OSBPL3: variants seen among roughly 807,000 people sequenced by gnomAD.
The protein encoded by OSBPL3 is oxysterol-binding protein-related protein 3.
In OSBPL3, 65 loss-of-function variants were observed where a neutral mutation model predicts 120.1. The observed-to-expected ratio is 0.54, with a 90% CI of 0.44 to 0.67. The LOEUF (loss-of-function observed/expected upper bound fraction) is 0.67, where lower values mean the gene tolerates loss of function less well. Ranked by LOEUF, OSBPL3 falls within the 30% of genes least tolerant of loss-of-function variation. OSBPL3 has a pLI of 0.00. For synonymous variants in OSBPL3, 416 were observed against 402.6 expected, an observed-to-expected ratio of 1.03 and a Z score of -0.40; for missense variants, 1,004 against 1,082.1, an observed-to-expected ratio of 0.93 and a Z score of 1.01.
Position 24,852,555 on chromosome 7 carries a change from G to C in OSBPL3, c.1107C>G (p.Ala369=). The part of the protein sequence containing the change: ...EKLKQLMEQD[A]SSSPSAQVIG... Reference sequence around the variant, plus strand: ...TGACCTGAGCAGACGGGGAGGAGGAGGCATCCTGCTCCATCAGCTGCTTCA... The same window carrying C: ...TGACCTGAGCAGACGGGGAGGAGGACGCATCCTGCTCCATCAGCTGCTTCA... Residue 369 remains alanine, a synonymous_variant, in exon 11 of 23, where the codon GCC becomes GCG. Coordinates refer to ENST00000313367, the MANE Select transcript of OSBPL3 (RefSeq NM_015550.4). The surrounding 1 kb of genome is among the most constrained non-coding windows in gnomAD (Gnocchi z 4.1). 2 of 1,607,264 alleles carry C rather than the reference G, an allele frequency of 1.2e-6. No homozygotes were observed. Among genetic ancestry groups the C allele is most frequent in the Non-Finnish European group, 1.7e-6 (2 of 1,177,774 alleles).
intron 12 of OSBPL3, among the ~76,000 whole-genome samples, chr7:24,846,444 G>A (rs1325480867): frequency 1.3e-5 from 2 of 152,152 alleles, no homozygotes; most frequent in Admixed American, 6.5e-5. Flanking sequence ...GTATTCAAAT[G>A]CATGCCGATA....
At chr7:24,839,525 T>G (rs947512532) in intron 14 of OSBPL3, among the ~76,000 whole-genome samples, 1 of 152,212 alleles carries the variant, frequency 6.6e-6, no homozygotes, top group Non-Finnish European at 1.5e-5. Flanking sequence ...GAGATAGCCA[T>G]TTGTTACTTT....
chr7:24,907,754 T>C (rs1481035038), intron 1 of OSBPL3, among the ~76,000 whole-genome samples: 1 of 152,346 alleles, frequency 6.6e-6, no homozygotes, highest in Non-Finnish European at 1.5e-5. Flanking sequence ...TGGACTCTGC[T>C]TTCCTTTTGC....
intron 1 of OSBPL3, among the ~76,000 whole-genome samples, chr7:24,915,169 C>T (rs1218204010): frequency 6.6e-6 from 1 of 152,100 alleles, no homozygotes; most frequent in Non-Finnish European, 1.5e-5. Context: ...ACAAAGCTAC[C>T]CAATAATTCT....
chr7:24,869,057 G>A lies in OSBPL3; in HGVS notation c.381+1675C>T, dbSNP rs141673169. On this transcript the variant is annotated intron_variant, in intron 5 of 22. Transcript: ENST00000313367. The stretch of plus-strand genomic sequence containing the variant: ...AACAGCCCACAATTAAAAACTGCCT[G>A]ACTGAGTCTAATAACTAGAACGCTC... 2.8e-3 allele frequency among the ~76,000 whole-genome samples: 421 copies of A among 152,274 alleles called. 4 individuals carry two copies. Among genetic ancestry groups the A allele is most frequent in the Middle Eastern group, 0.017 (5 of 294 alleles).
intron 14 of OSBPL3, among the ~76,000 whole-genome samples, chr7:24,837,467 G>C (rs1441958693): frequency 6.6e-6 from 1 of 152,168 alleles, no homozygotes; most frequent in Admixed American, 6.5e-5. Context: ...GCCTCCCAAA[G>C]TGTTGGGATT....
At chr7:24,980,208 G>A (rs965040061), upstream of OSBPL3, 2 of 272,646 alleles carry the variant, frequency 7.3e-6, no homozygotes, top group Admixed American at 6.5e-5. Context: ...TTAGCCCGAG[G>A]AGCCGCGCAA....
intron 7 of OSBPL3, among the ~76,000 whole-genome samples, chr7:24,864,284 A>G (rs1800998921): frequency 6.6e-6 from 1 of 152,190 alleles, no homozygotes; most frequent in Admixed American, 6.5e-5. Context: ...TACAGGCCCA[A>G]ATGCCTTAGG....
rs1812499246 is a variant in OSBPL3, at chr7:24,936,988, T to C, written c.-150+42898A>G. On this transcript the variant is annotated intron_variant, in intron 1 of 22. Coordinates refer to ENST00000313367, the MANE Select transcript of OSBPL3 (RefSeq NM_015550.4). This position sits in a 1 kb window ranked among gnomAD's most constrained non-coding sequence, Gnocchi z 4.2. ...AGAAAAGGATACTGTATTAGTCCAT[T>C]CTTGTGCTGCTAATAAAGACATACC... Among the ~76,000 whole-genome samples the C allele has an allele frequency of 6.6e-6, 1 of 152,176 alleles. No individual in the cohort carries two copies. Among genetic ancestry groups the C allele is most frequent in the Non-Finnish European group, 1.5e-5 (1 of 68,026 alleles).
At chr7:24,929,017 C>T (rs749757326) in intron 1 of OSBPL3, among the ~76,000 whole-genome samples, 13 of 152,172 alleles carry the variant, frequency 8.5e-5, no homozygotes, top group Non-Finnish European at 1.5e-4. Context: ...AGAAGCAGTA[C>T]GACGGGCCAG....
At chr7:24,929,238 G>T in intron 1 of OSBPL3, among the ~76,000 whole-genome samples, 1 of 152,262 alleles carries the variant, frequency 6.6e-6, no homozygotes, top group East Asian at 1.9e-4. Flanking sequence ...AATCTGTTTC[G>T]TTCAGTGTGT....
intron 14 of OSBPL3, among the ~76,000 whole-genome samples, chr7:24,837,403 T>C (rs1284822548): frequency 6.6e-6 from 1 of 151,860 alleles, no homozygotes; most frequent in African/African-American, 2.4e-5. Context: ...AGGATCTTGC[T>C]ATGTTGCGCA....
chr7:24,917,401 C>CATACATATATATATATAT (rs370274395), intron 1 of OSBPL3, among the ~76,000 whole-genome samples: 4 of 100,066 alleles, frequency 4.0e-5, no homozygotes, highest in East Asian at 3.4e-4. Flanking sequence ...ATATTTGTAA[C>CATACATATATATATATAT]ATATATATAT....
At chr7:24,927,638 G>A (rs1428455748) in intron 1 of OSBPL3, among the ~76,000 whole-genome samples, 1 of 152,134 alleles carries the variant, frequency 6.6e-6, no homozygotes, top group African/African-American at 2.4e-5. Flanking sequence ...TTTTTTCACC[G>A]TGATACACTT....
intron 1 of OSBPL3, among the ~76,000 whole-genome samples, chr7:24,935,776 T>C (rs534213410): frequency 8.5e-5 from 13 of 152,300 alleles, no homozygotes; most frequent in African/African-American, 3.1e-4. Context: ...ACAAATTCTA[T>C]TTTATGTATT....
At chr7:24,957,752 G>A (rs1815244907) in intron 1 of OSBPL3, among the ~76,000 whole-genome samples, 1 of 152,068 alleles carries the variant, frequency 6.6e-6, no homozygotes, top group Non-Finnish European at 1.5e-5. Flanking sequence ...GCACTCAGAT[G>A]AATTCAATAA....
chr7:24,806,106 G>C lies in OSBPL3; in HGVS notation c.2444+670C>G, dbSNP rs1183743062. Among the ~76,000 whole-genome samples the C allele has an allele frequency of 6.6e-6, 1 of 152,170 alleles. No homozygotes were observed. The highest frequency in any genetic ancestry group is 6.5e-5 in the Admixed American group (1 of 15,280). ...CAAGTAGTTGGGACTACGGGCATGT[G>C]CCACCACGCCTGGCTAATTTTTGTA... is the stretch of plus-strand genomic sequence containing the variant. On this transcript the variant is annotated intron_variant, in intron 21 of 22. Transcript: ENST00000313367. This position sits in a 1 kb window ranked among gnomAD's most constrained non-coding sequence, Gnocchi z 5.2.
At chr7:24,949,139 T>C (rs1254996872) in intron 1 of OSBPL3, among the ~76,000 whole-genome samples, 1 of 152,196 alleles carries the variant, frequency 6.6e-6, no homozygotes, top group Non-Finnish European at 1.5e-5. Context: ...CTAGAATTTA[T>C]CAATTTGCTT....
chr7:24,804,393 T>C lies in OSBPL3; in HGVS notation c.2489A>G (p.Gln830Arg). 6.2e-7 allele frequency: 1 copy of C among 1,614,034 alleles called. No individual in the cohort carries two copies. The highest frequency in any genetic ancestry group is 8.5e-7 in the Non-Finnish European group (1 of 1,179,914). ...TTCTCTCTGCAGTTGTTCAATCCTC[T>C]GCTTTTGTATTTCAGCTTCTTCTAA... ...GNLEEAEIQKQRIEQLQRERR... is the reference protein window; with the variant it reads ...GNLEEAEIQKRRIEQLQRERR... Residue 830 changes from glutamine (Q) to arginine (R), a missense_variant, in exon 22 of 23, where the codon CAG becomes CGG. Gln to Arg is a conservative substitution (Grantham distance 43). Transcript: ENST00000313367. This position sits in a 1 kb window ranked among gnomAD's most constrained non-coding sequence, Gnocchi z 5.4.
Sources: allele counts gnomAD v4.1 joint callset (sites outside exome capture counted in the v4.1 genomes callset), GRCh38; gene constraint gnomAD v4.1.1; non-coding constraint Gnocchi (gnomAD v3.1); transcripts MANE v1.5; gene names NCBI Gene and HGNC (gene_info 2026-07-23, HGNC 2026-07-21).